Variants in CNTN5 observed in about 807,000 individuals in gnomAD.
The protein encoded by CNTN5 is contactin-5.
In CNTN5, 77 loss-of-function variants were observed where a neutral mutation model predicts 129.1. The ratio of observed to expected loss-of-function variants is 0.60; its 90% confidence interval spans 0.50 to 0.72. CNTN5 has a LOEUF of 0.72. Among genes scored for constraint, CNTN5 ranks in the 30% least tolerant of loss-of-function variants. The pLI, the probability that CNTN5 is intolerant of heterozygous loss-of-function variation, is 0.00. For missense variants in CNTN5, 1,478 were observed against 1,328.8 expected (o/e 1.11, Z -1.75); for synonymous variants, 509 against 465.6 (o/e 1.09, Z -1.20).
chr11:100,345,018 T>A (rs1036657131), intron 23 of CNTN5, among the ~76,000 whole-genome samples: 1 of 152,126 alleles, frequency 6.6e-6, no homozygotes, highest in African/African-American at 2.4e-5. Flanking sequence ...ACTATAGAAA[T>A]AGCACAAGAT....
chr11:99,807,585 G>A (rs1381905872), intron 3 of CNTN5, among the ~76,000 whole-genome samples: 1 of 152,118 alleles, frequency 6.6e-6, no homozygotes, highest in African/African-American at 2.4e-5. Context: ...ACCTGATCTT[G>A]GTTCACTGCA....
intron 7 of CNTN5, among the ~76,000 whole-genome samples, chr11:99,943,252 A>C (rs548864361): frequency 6.6e-6 from 1 of 152,190 alleles, no homozygotes; most frequent in South Asian, 2.1e-4. Context: ...ATGGTGTCTC[A>C]TTGTGGTTTT....
At chr11:100,087,623 A>C (rs7932255) in intron 13 of CNTN5, among the ~76,000 whole-genome samples, 1 of 151,932 alleles carries the variant, frequency 6.6e-6, no homozygotes, top group Admixed American at 6.6e-5. Context: ...AGAGAACCCA[A>C]ATTCATAAAG....
chr11:99,097,674 C>T (rs1381688538), intron 1 of CNTN5, among the ~76,000 whole-genome samples: 1 of 151,740 alleles, frequency 6.6e-6, no homozygotes, highest in Non-Finnish European at 1.5e-5. Flanking sequence ...TTTTTGAAAA[C>T]TTAAGCCATT....
At chr11:99,345,924 A>G (rs980882786) in intron 2 of CNTN5, among the ~76,000 whole-genome samples, 2 of 152,214 alleles carry the variant, frequency 1.3e-5, no homozygotes, top group Non-Finnish European at 2.9e-5. Flanking sequence ...TTCAAAACAA[A>G]TCAAAAGATA....
At chr11:99,686,590 C>A (rs1953805188) in intron 3 of CNTN5, among the ~76,000 whole-genome samples, 1 of 151,970 alleles carries the variant, frequency 6.6e-6, no homozygotes, top group African/African-American at 2.4e-5. Context: ...TTTTCCGGAA[C>A]TTTTATCTCT....
rs926140148 is a variant in CNTN5 at position 100,147,620 on chromosome 11, CA to C, written c.1581-43498del. Among the ~76,000 whole-genome samples the C allele has an allele frequency of 2.7e-3, 406 of 151,296 alleles. 2 individuals carry two copies. Among genetic ancestry groups the C allele is most frequent in the African/African-American group, 9.3e-3 (386 of 41,332 alleles). Reference sequence around the variant, plus strand: ...CTAGGGGAGCCTTATATTTTTTTGTCAAAAAAAATGCGTGTATTTGTGTGTG... The same window carrying C: ...CTAGGGGAGCCTTATATTTTTTTGTCAAAAAAATGCGTGTATTTGTGTGTG... On this transcript the variant is annotated intron_variant, in intron 13 of 24. Transcript: ENST00000524871.
chr11:99,193,648 A>G (rs1455122603), intron 1 of CNTN5, among the ~76,000 whole-genome samples: 1 of 152,226 alleles, frequency 6.6e-6, no homozygotes, highest in Non-Finnish European at 1.5e-5. Context: ...ATACACAGGT[A>G]TTGGGACTTT....
At chr11:99,977,425 A>G (rs1442988864) in intron 8 of CNTN5, among the ~76,000 whole-genome samples, 2 of 152,150 alleles carry the variant, frequency 1.3e-5, no homozygotes, top group Admixed American at 6.5e-5. Context: ...AGCAATTTTT[A>G]TATTAGTTCA....
intron 9 of CNTN5, among the ~76,000 whole-genome samples, chr11:100,060,680 C>T (rs1188678851): frequency 1.5e-5 from 2 of 135,990 alleles, no homozygotes; most frequent in African/African-American, 5.7e-5. Flanking sequence ...GCTTTTGTTG[C>T]CCAGGCTGGA....
intron 2 of CNTN5, among the ~76,000 whole-genome samples, chr11:99,329,927 A>ACT (rs1358952490): frequency 2.3e-5 from 3 of 129,014 alleles, no homozygotes; most frequent in African/African-American, 1.3e-4. Flanking sequence ...ACACACACAC[A>ACT]CACACACACA....
chr11:99,195,815 A>C (rs1858872544), intron 1 of CNTN5, among the ~76,000 whole-genome samples: 2 of 152,042 alleles, frequency 1.3e-5, no homozygotes, highest in South Asian at 4.1e-4. Context: ...AAGATATGTT[A>C]GTAAGTATGT....
At position 99,124,636 on chromosome 11, in the gene CNTN5, T is replaced by G. The variant is rs186243941; in HGVS notation, c.-210+103366T>G. On this transcript the variant is annotated intron_variant, in intron 1 of 24. Coordinates refer to ENST00000524871, the MANE Select transcript of CNTN5 (RefSeq NM_014361.4). Reference sequence around the variant, plus strand: ...AAAATCAGAGCTAAACTGAAGGAAATTGAGATGAGAAGAGCTATACAAATA... The same window carrying G: ...AAAATCAGAGCTAAACTGAAGGAAAGTGAGATGAGAAGAGCTATACAAATA... 6.6e-5 allele frequency among the ~76,000 whole-genome samples: 10 copies of G among 151,592 alleles called. No individual in the cohort carries two copies. In the East Asian group the frequency reaches 1.6e-3, roughly 24 times the overall value.
At chr11:99,321,809 G>A (rs941250533) in intron 1 of CNTN5, among the ~76,000 whole-genome samples, 3 of 152,138 alleles carry the variant, frequency 2.0e-5, no homozygotes, top group Non-Finnish European at 2.9e-5. Flanking sequence ...TACAGAGGTA[G>A]TAGGTAGATC....
chr11:100,139,799 G>A (rs1035736474), intron 13 of CNTN5, among the ~76,000 whole-genome samples: 1 of 152,142 alleles, frequency 6.6e-6, no homozygotes, highest in African/African-American at 2.4e-5. Flanking sequence ...GGGAGGTGGA[G>A]GCTGCGGTGA....
chr11:99,247,438 C>T lies in CNTN5; in HGVS notation c.-209-77908C>T, dbSNP rs1861867676. ...AGATAAAATATACAGCCTTTGTAAG[C>T]CCTGCTACATTTCTTTTATTATTAT... is the stretch of plus-strand genomic sequence containing the variant. On this transcript the variant is annotated intron_variant, in intron 1 of 24. Coordinates refer to ENST00000524871, the MANE Select transcript of CNTN5 (RefSeq NM_014361.4). Among the ~76,000 whole-genome samples, 5 of 151,466 alleles carry T rather than the reference C, an allele frequency of 3.3e-5. No homozygotes were observed. In the South Asian group the frequency reaches 1.0e-3, roughly 32 times the overall value.
rs140512815 is a variant in CNTN5, at chr11:99,067,573, T to C, written c.-210+46303T>C. Among the ~76,000 whole-genome samples, 7 of 152,192 alleles carry C rather than the reference T, an allele frequency of 4.6e-5. No homozygotes were observed. In the East Asian group the frequency reaches 1.2e-3, roughly 25 times the overall value. ...TGCCATGTACAGTAAGAATAAATGG[T>C]ATGGGAAGGAGATATTTTAGAGTAT... On this transcript the variant is annotated intron_variant, in intron 1 of 24. Transcript: ENST00000524871.
chr11:100,094,334 A>G (rs951409910), intron 13 of CNTN5, among the ~76,000 whole-genome samples: 2 of 152,082 alleles, frequency 1.3e-5, no homozygotes, highest in Admixed American at 1.3e-4. Context: ...CTCATATTCT[A>G]CTAGGCAACA....
At chr11:99,901,026 T>C (rs918479464) in intron 6 of CNTN5, among the ~76,000 whole-genome samples, 1 of 152,156 alleles carries the variant, frequency 6.6e-6, no homozygotes, top group Non-Finnish European at 1.5e-5. Flanking sequence ...TTGTGTAACA[T>C]TGGGCAAGGT....
Sources: gnomAD v4.1 joint callset for allele counts (sites outside exome capture counted in the v4.1 genomes callset) on GRCh38, gnomAD v4.1.1 for gene constraint, MANE v1.5 for transcripts, NCBI Gene and HGNC (gene_info 2026-07-23, HGNC 2026-07-21) for gene names.